KAZN: variants seen among roughly 807,000 people sequenced by gnomAD.
KAZN encodes the protein kazrin.
Under a neutral mutation model 87.4 loss-of-function variants are expected in KAZN, and 40 were observed. The observed-to-expected ratio is 0.46, with a 90% confidence interval of 0.36 to 0.60. KAZN has a LOEUF of 0.60. Among genes scored for constraint, KAZN ranks in the 20% least tolerant of loss-of-function variants. The probability of loss-of-function intolerance (pLI) is 0.00; values close to 1 mark genes in which losing one functional copy is unlikely to be tolerated. For synonymous variants in KAZN, 466 were observed against 458.3 expected, an observed-to-expected ratio of 1.02 and a Z score of -0.22; for missense variants, 898 against 1,073.9, an observed-to-expected ratio of 0.84 and a Z score of 2.29.
At chr1:14,742,155 C>T (rs536016965) in intron 1 of KAZN, among the ~76,000 whole-genome samples, 2 of 152,344 alleles carry the variant, frequency 1.3e-5, no homozygotes, top group South Asian at 4.1e-4. Flanking sequence ...GTGGGGTCCT[C>T]TCCAACTGCT....
intron 2 of KAZN, among the ~76,000 whole-genome samples, chr1:14,445,393 AAC>A (rs2148321046): frequency 6.6e-6 from 1 of 152,304 alleles, no homozygotes; most frequent in Admixed American, 6.5e-5. Flanking sequence ...TCAGCACACA[AAC>A]ACACAAGCCG....
chr1:13,945,704 T>TGAGAGAGAGAGAGA (rs1488989946), intron 1 of KAZN, among the ~76,000 whole-genome samples: 1 of 139,690 alleles, frequency 7.2e-6, no homozygotes, highest in African/African-American at 2.7e-5. Context: ...TGTGTGTGTG[T>TGAGAGAGAGAGAGA]GTGTGTGAGA....
At chr1:14,457,122 A>G (rs181677338) in intron 2 of KAZN, among the ~76,000 whole-genome samples, 298 of 152,334 alleles carry the variant, frequency 2.0e-3, no homozygotes, top group Non-Finnish European at 3.1e-3. Flanking sequence ...TAATTTGACT[A>G]AATACAGCTG....
chr1:14,338,700 T>C lies in KAZN; in HGVS notation c.249+158108T>C, dbSNP rs148989321. Among the ~76,000 whole-genome samples, 217 of 152,278 alleles carry C rather than the reference T, an allele frequency of 1.4e-3. 1 individual carries two copies. The highest frequency in any genetic ancestry group is 4.8e-3 in the African/African-American group (201 of 41,558). Reference sequence around the variant, plus strand: ...ACTTGGTGATCCCAAGAGGAGTCCATTGTGTTCAATCTGGCAGGGTAGGAA... The same window carrying C: ...ACTTGGTGATCCCAAGAGGAGTCCACTGTGTTCAATCTGGCAGGGTAGGAA... On this transcript the variant is annotated intron_variant, in intron 2 of 16. Coordinates refer to the KAZN transcript ENST00000636203.
intron 2 of KAZN, among the ~76,000 whole-genome samples, chr1:14,224,440 C>A (rs1557574039): frequency 1.3e-5 from 2 of 152,072 alleles, no homozygotes; most frequent in Non-Finnish European, 2.9e-5. Context: ...ATGATTATAT[C>A]AAGAGCAAAA....
chr1:14,420,004 C>T (rs374034735), intron 2 of KAZN, among the ~76,000 whole-genome samples: 11 of 152,274 alleles, frequency 7.2e-5, no homozygotes, highest in African/African-American at 2.6e-4. Context: ...GCTTTTATTC[C>T]CTTATCTGGA....
At chr1:14,961,139 G>T (rs951540118) in intron 2 of KAZN, among the ~76,000 whole-genome samples, 7 of 152,222 alleles carry the variant, frequency 4.6e-5, no homozygotes, top group African/African-American at 1.7e-4. Flanking sequence ...GTGAATGGTG[G>T]ATGGGCATCT....
chr1:15,044,234 C>T (rs558422205), intron 4 of KAZN, 75 bp downstream of exon 4: 23 of 1,227,134 alleles, frequency 1.9e-5, no homozygotes, highest in South Asian at 1.0e-4. Flanking sequence ...CGTCTGGCAC[C>T]GACTCACATC....
At chr1:14,411,262 G>GT (rs1196895789) in intron 2 of KAZN, among the ~76,000 whole-genome samples, 2 of 152,158 alleles carry the variant, frequency 1.3e-5, no homozygotes, top group African/African-American at 4.8e-5. Context: ...TCATTCAAGA[G>GT]TGAGGATAAA....
intron 2 of KAZN, among the ~76,000 whole-genome samples, chr1:14,381,998 A>G (rs896420482): frequency 2.0e-5 from 3 of 152,236 alleles, no homozygotes; most frequent in Non-Finnish European, 4.4e-5. Flanking sequence ...TACAAAATCA[A>G]GATACAAAAA....
chr1:13,977,827 G>C (rs996199398), intron 1 of KAZN, among the ~76,000 whole-genome samples: 2 of 152,156 alleles, frequency 1.3e-5, no homozygotes, highest in African/African-American at 4.8e-5. Flanking sequence ...TCACCTTGAT[G>C]CAATTGTCGG....
chr1:14,822,519 T>C (rs1273854729), intron 1 of KAZN, among the ~76,000 whole-genome samples: 2 of 152,304 alleles, frequency 1.3e-5, no homozygotes, highest in East Asian at 1.9e-4. Context: ...GGGGAGGGAA[T>C]TGGAGGCTGG....
intron 1 of KAZN, among the ~76,000 whole-genome samples, chr1:14,753,168 C>A (rs1466337528): frequency 6.6e-6 from 1 of 152,176 alleles, no homozygotes. Context: ...AGCATGCCTT[C>A]ATGCAACAAG....
In KAZN at chr1:14,507,978, T is replaced by TAAAA. The variant is rs567197866; in HGVS notation, c.250-90994_250-90991dup. 1.9e-4 allele frequency among the ~76,000 whole-genome samples: 17 copies of TAAAA among 91,340 alleles called. No homozygotes were observed. In the South Asian group the frequency reaches 1.9e-3, roughly 10 times the overall value. 59.9% of individuals were successfully genotyped at this position (91,340 alleles called of 152,430 possible). A position where few individuals can be genotyped will look rare whatever the true frequency, so the allele number is the denominator to read the frequency against. On this transcript the variant is annotated intron_variant, in intron 2 of 16. Coordinates refer to the KAZN transcript ENST00000636203. ...CGAGACTCGGTCTCCAAAAAATAAATAAAAAAAAAAAAAATGTGACGTTGC... is the reference window on the plus strand; with the variant it reads ...CGAGACTCGGTCTCCAAAAAATAAATAAAAAAAAAAAAAAAAAATGTGACGTTGC...
At chr1:14,281,862 G>C (rs1334155378) in intron 2 of KAZN, among the ~76,000 whole-genome samples, 1 of 152,174 alleles carries the variant, frequency 6.6e-6, no homozygotes. Context: ...GTTTCCACGA[G>C]GGTGACTTAC....
intron 1 of KAZN, among the ~76,000 whole-genome samples, chr1:14,000,243 A>G (rs561213640): frequency 1.2e-3 from 177 of 152,276 alleles, no homozygotes; most frequent in African/African-American, 4.2e-3. Context: ...AGAGGCAACA[A>G]AAAAAGAAAA....
In KAZN at chr1:14,729,021, C is replaced by T. The variant is rs190489285; in HGVS notation, c.226+129798C>T. Among the ~76,000 whole-genome samples the T allele has an allele frequency of 1.3e-4, 19 of 140,954 alleles. No individual in the cohort carries two copies. The East Asian group carries it at 3.6e-3, about 27-fold the overall frequency. 92.5% of individuals were successfully genotyped at this position (140,954 alleles called of 152,430 possible). The stretch of plus-strand genomic sequence containing the variant: ...TGGGAAGCTGCCGTTTCTTGAGAGC[C>T]TCCTGGGTGACAGATGGAGAGTGGC... On this transcript the variant is annotated intron_variant, in intron 1 of 14. Coordinates refer to ENST00000376030, the MANE Select transcript of KAZN (RefSeq NM_201628.3).
At chr1:13,955,293 G>A (rs1365161773) in intron 1 of KAZN, among the ~76,000 whole-genome samples, 1 of 152,106 alleles carries the variant, frequency 6.6e-6, no homozygotes, top group Non-Finnish European at 1.5e-5. Flanking sequence ...ATACCCGTAT[G>A]ACTGTCATTA....
chr1:14,513,048 A>G (rs1671001175), intron 2 of KAZN, among the ~76,000 whole-genome samples: 1 of 152,172 alleles, frequency 6.6e-6, no homozygotes, highest in Admixed American at 6.5e-5. Flanking sequence ...ATTGCTTATA[A>G]AAGATCTCTT....
Sources: allele counts gnomAD v4.1 joint callset (sites outside exome capture counted in the v4.1 genomes callset), GRCh38; gene constraint gnomAD v4.1.1; transcripts MANE v1.5; gene names NCBI Gene and HGNC (gene_info 2026-07-23, HGNC 2026-07-21).